The following UGT1A10 variants were observed in gnomAD, a reference collection of about 807,000 sequenced individuals.
UGT1A10 encodes UDP glucuronosyltransferase family 1 member A10.
A neutral mutation model predicts 45.8 loss-of-function variants in UGT1A10; 49 were observed. That is an observed-to-expected ratio of 1.07 (90% CI 0.85 to 1.36). UGT1A10 has a LOEUF of 1.36. Among genes scored for constraint, UGT1A10 ranks in the 40% most tolerant of loss-of-function variants. The pLI is 0.00. For missense variants in UGT1A10, 745 were observed against 668.6 expected, an observed-to-expected ratio of 1.11 and a Z score of -1.26; for synonymous variants, 284 against 249.7, an observed-to-expected ratio of 1.14 and a Z score of -1.29.
chr2:233,771,905 G>A (rs1048759513), intron 4 of UGT1A10, among the ~76,000 whole-genome samples: 1 of 151,250 alleles, frequency 6.6e-6, no homozygotes, highest in Non-Finnish European at 1.5e-5. Flanking sequence ...CCTTTCAGGT[G>A]ATAATAGTAA....
intron 1 of UGT1A10, among the ~76,000 whole-genome samples, chr2:233,677,019 T>G (rs1370801889): frequency 6.6e-6 from 1 of 152,182 alleles, no homozygotes; most frequent in Non-Finnish European, 1.5e-5. Context: ...AAATTGCTTT[T>G]GCTATTGGAG....
At chr2:233,696,527 A>C (rs1396339864) in intron 1 of UGT1A10, among the ~76,000 whole-genome samples, 5 of 152,160 alleles carry the variant, frequency 3.3e-5, no homozygotes, top group Non-Finnish European at 7.3e-5. Flanking sequence ...TTTTGGGTGG[A>C]ATGTTTAAAT....
At chr2:233,687,087 G>A (rs1165875503) in intron 1 of UGT1A10, among the ~76,000 whole-genome samples, 2 of 152,182 alleles carry the variant, frequency 1.3e-5, no homozygotes, top group Admixed American at 1.3e-4. Context: ...AAGTACTTCA[G>A]CTGTGACACT....
intron 1 of UGT1A10, chr2:233,719,255 C>T (rs1240913089): frequency 2.5e-6 from 4 of 1,614,024 alleles, no homozygotes; most frequent in Non-Finnish European, 3.4e-6. Flanking sequence ...ATGCTACTTC[C>T]TTTGATGTGG....
At chr2:233,655,486 G>A (rs945056341) in intron 1 of UGT1A10, among the ~76,000 whole-genome samples, 1 of 152,198 alleles carries the variant, frequency 6.6e-6, no homozygotes, top group Non-Finnish European at 1.5e-5. Flanking sequence ...TGCTTCTCTT[G>A]TCTTCTGCCT....
chr2:233,681,812 T>A (rs2074540726), intron 1 of UGT1A10: 3 of 1,444,690 alleles, frequency 2.1e-6, no homozygotes, highest in Non-Finnish European at 2.8e-6. Context: ...TGAATGTGAA[T>A]TTTTTTTTAA....
chr2:233,716,337 C>T (rs17868335), intron 1 of UGT1A10, among the ~76,000 whole-genome samples: 4 of 152,208 alleles, frequency 2.6e-5, no homozygotes, highest in African/African-American at 4.8e-5. Flanking sequence ...CCCAGGTTTG[C>T]GCAACTACAA....
chr2:233,715,019 G>A (rs1306215776), intron 1 of UGT1A10, among the ~76,000 whole-genome samples: 2 of 152,164 alleles, frequency 1.3e-5, no homozygotes, highest in African/African-American at 4.8e-5. Context: ...TGGAACTACA[G>A]GCGCATGGCA....
At chr2:233,648,426 G>A (rs571681083) in intron 1 of UGT1A10, 35 of 191,988 alleles carry the variant, frequency 1.8e-4, no homozygotes, top group Non-Finnish European at 3.5e-4. Context: ...CAGGGTTTTC[G>A]GATGCTGTGA....
At chr2:233,757,625 G>T (rs550855781) in intron 1 of UGT1A10, among the ~76,000 whole-genome samples, 1 of 148,046 alleles carries the variant, frequency 6.8e-6, no homozygotes, top group East Asian at 2.0e-4. Context: ...AAAGATACAA[G>T]GCAGAACAGA....
rs2125459332 is a variant in UGT1A10, at chr2:233,637,095, C to T, written c.573C>T (p.Pro191=). The change falls in exon 1 of 5, where the codon CCC becomes CCT. Residue 191 remains proline, a synonymous_variant. Coordinates refer to ENST00000344644, the MANE Select transcript of UGT1A10 (RefSeq NM_019075.4). The stretch of plus-strand genomic sequence containing the variant: ...GCCCTGCTCCTCTTTCCTATGTCCC[C>T]AATGATCTCTTAGGGTTCTCAGATG... ...AQCPAPLSYV[P]NDLLGFSDAM... The T allele has an allele frequency of 6.2e-7, 1 of 1,613,914 alleles. No individual in the cohort carries two copies. The highest frequency in any genetic ancestry group is 2.2e-5 in the East Asian group (1 of 44,878).
At chr2:233,670,722 G>A (rs2741044) in intron 1 of UGT1A10, among the ~76,000 whole-genome samples, 32,941 of 152,054 alleles carry the variant, frequency 0.22, 4,575 homozygotes, top group South Asian at 0.33. Flanking sequence ...AATTAGAGAT[G>A]TTGGGTTTGC....
chr2:233,747,780 C>A, intron 1 of UGT1A10: 1 of 1,613,502 alleles, frequency 6.2e-7, no homozygotes, highest in South Asian at 1.1e-5. Flanking sequence ...GTGTCCAAAT[C>A]CTTCCTCCTA....
chr2:233,672,287 A>G, intron 1 of UGT1A10: 1 of 1,613,766 alleles, frequency 6.2e-7, no homozygotes, highest in Non-Finnish European at 8.5e-7. Flanking sequence ...GACATTTTTG[A>G]CTTATTTTTT....
intron 1 of UGT1A10, among the ~76,000 whole-genome samples, chr2:233,704,779 T>C (rs1239416557): frequency 1.3e-5 from 2 of 152,188 alleles, no homozygotes; most frequent in African/African-American, 4.8e-5. Context: ...CCATATGTTA[T>C]AGTCCCAACA....
At chr2:233,684,921 C>T (rs2074710855) in intron 1 of UGT1A10, among the ~76,000 whole-genome samples, 1 of 151,250 alleles carries the variant, frequency 6.6e-6, no homozygotes, top group African/African-American at 2.4e-5. Flanking sequence ...CCTTGTTAGA[C>T]AACAGGATTC....
chr2:233,749,875 A>C (rs747231604), intron 1 of UGT1A10, among the ~76,000 whole-genome samples: 2 of 151,930 alleles, frequency 1.3e-5, no homozygotes, highest in Non-Finnish European at 2.9e-5. Context: ...CAGGATTATA[A>C]GTTTCCTGAG....
At chr2:233,746,978 G>A (rs1312298937) in intron 1 of UGT1A10, among the ~76,000 whole-genome samples, 2 of 151,796 alleles carry the variant, frequency 1.3e-5, no homozygotes, top group Non-Finnish European at 2.9e-5. Flanking sequence ...CCCAGAGCGA[G>A]CGCAGGGTCA....
chr2:233,757,240 G>A (rs1051117267), intron 1 of UGT1A10, among the ~76,000 whole-genome samples: 5 of 149,398 alleles, frequency 3.3e-5, no homozygotes, highest in African/African-American at 1.2e-4. Flanking sequence ...AAGTGGTGGT[G>A]AGGTGGGGTT....
Sources: gnomAD v4.1 joint callset for allele counts (sites outside exome capture counted in the v4.1 genomes callset) on GRCh38, gnomAD v4.1.1 for gene constraint, MANE v1.5 for transcripts, NCBI Gene and HGNC (gene_info 2026-07-23, HGNC 2026-07-21) for gene names.